PPP6R3: variants seen among roughly 807,000 people sequenced by gnomAD.
The protein encoded by PPP6R3 is protein phosphatase 6 regulatory subunit 3.
Under a neutral mutation model 110.7 loss-of-function variants are expected in PPP6R3, and 38 were observed. The observed-to-expected ratio is 0.34, with a 90% confidence interval of 0.26 to 0.45. The LOEUF (loss-of-function observed/expected upper bound fraction) is 0.45, where lower values mean the gene tolerates loss of function less well. PPP6R3 is among the 20% of genes least tolerant of loss of function. The probability of loss-of-function intolerance (pLI) is 1.00; values close to 1 mark genes in which losing one functional copy is unlikely to be tolerated. For synonymous variants in PPP6R3, 369 were observed against 373.5 expected (o/e 0.99, Z 0.14); for missense variants, 870 against 1,062.4 (o/e 0.82, Z 2.52).
At position 68,614,535 on chromosome 11, in the gene PPP6R3, A is replaced by G; in HGVS notation, c.*1418A>G. The G allele has an allele frequency of 3.4e-6, 5 of 1,451,472 alleles. No individual in the cohort carries two copies. In the South Asian group the frequency reaches 4.5e-5, roughly 13 times the overall value. 89.9% of individuals were successfully genotyped at this position (1,451,472 alleles called of 1,614,324 possible). A position where few individuals can be genotyped will look rare whatever the true frequency, so the allele number is the denominator to read the frequency against. ...GGCCAACAATTTTTTTAGAAGTAGCATCCCAAGCAGCGTGCCTAAACATTA... is the reference window on the plus strand; with the variant it reads ...GGCCAACAATTTTTTTAGAAGTAGCGTCCCAAGCAGCGTGCCTAAACATTA... On this transcript the variant is annotated 3_prime_UTR_variant, in exon 24 of 24. Coordinates refer to ENST00000393800, the MANE Select transcript of PPP6R3 (RefSeq NM_001164161.2).
At chr11:68,568,865 C>T (rs528277785) in intron 10 of PPP6R3, among the ~76,000 whole-genome samples, 1 of 151,768 alleles carries the variant, frequency 6.6e-6, no homozygotes, top group Admixed American at 6.6e-5. Flanking sequence ...CCTGGGTTCA[C>T]GCCATTCTCC....
intron 2 of PPP6R3, among the ~76,000 whole-genome samples, chr11:68,536,512 G>A (rs11228275): frequency 0.58 from 87,665 of 151,838 alleles, 27,689 homozygotes; most frequent in South Asian, 0.8. Context: ...TGATGCTCCC[G>A]CCTTGTGCCT....
chr11:68,611,199 G>A (rs1197073810), intron 23 of PPP6R3, among the ~76,000 whole-genome samples: 3 of 152,008 alleles, frequency 2.0e-5, no homozygotes, highest in Admixed American at 6.6e-5. Context: ...TTTTTTAATG[G>A]TCCTTTATAG....
At position 68,551,160 on chromosome 11, in the gene PPP6R3, A is replaced by G. The variant is rs753246355; in HGVS notation, c.592A>G (p.Ile198Val). The change falls in exon 6 of 24, where the codon ATA (isoleucine) becomes GTA (valine). Residue 198 changes from isoleucine to valine, a missense_variant. Coordinates refer to ENST00000393800, the MANE Select transcript of PPP6R3 (RefSeq NM_001164161.2). ...EEKIIQRLVE[I>V]VHPSQEEDRH... ...GAAAATTATCCAGAGGCTTGTGGAA[A>G]TAGTTCATCCATCGCAAGAAGAAGA... 2 of 1,611,676 alleles carry G rather than the reference A, an allele frequency of 1.2e-6. No homozygotes were observed. The highest frequency in any genetic ancestry group is 1.7e-6 in the Non-Finnish European group (2 of 1,178,386).
At chr11:68,578,558 C>T (rs567670770) in intron 14 of PPP6R3, among the ~76,000 whole-genome samples, 6 of 152,334 alleles carry the variant, frequency 3.9e-5, no homozygotes, top group African/African-American at 4.8e-5. Flanking sequence ...TTCAGCACCA[C>T]GTGCTTAAGT....
chr11:68,461,915 C>T (rs2098710712), intron 1 of PPP6R3, among the ~76,000 whole-genome samples: 1 of 152,188 alleles, frequency 6.6e-6, no homozygotes, highest in Admixed American at 6.5e-5. Context: ...AACTGTGCCT[C>T]AAGTAGCAAG....
chr11:68,546,659 A>G (rs1428373687), intron 4 of PPP6R3, among the ~76,000 whole-genome samples: 1 of 152,206 alleles, frequency 6.6e-6, no homozygotes, highest in African/African-American at 2.4e-5. Context: ...AAGGACAAAA[A>G]TTGAGACTCA....
intron 5 of PPP6R3, among the ~76,000 whole-genome samples, chr11:68,549,513 G>A (rs1322287313): frequency 6.6e-6 from 1 of 152,174 alleles, no homozygotes; most frequent in Non-Finnish European, 1.5e-5. Context: ...TATCTAGTGG[G>A]TGTCCTGGGA....
At chr11:68,569,346 G>T (rs1452196410) in intron 10 of PPP6R3, among the ~76,000 whole-genome samples, 1 of 152,060 alleles carries the variant, frequency 6.6e-6, no homozygotes, top group Non-Finnish European at 1.5e-5. Context: ...CACAGCTATC[G>T]AACCCTATAT....
chr11:68,612,589 A>C lies in PPP6R3; in HGVS notation c.2571-477A>C, dbSNP rs556040604. 2.7e-5 allele frequency among the ~76,000 whole-genome samples: 4 copies of C among 147,022 alleles called. No individual in the cohort carries two copies. The South Asian group carries it at 8.6e-4, about 32-fold the overall frequency. ...AGTGGACACCTTTTTTTTTTTTTCC[A>C]GTAGTTTATTTGCAAACCTCCTTTC... On this transcript the variant is annotated intron_variant, in intron 23 of 23. Coordinates refer to ENST00000393800, the MANE Select transcript of PPP6R3 (RefSeq NM_001164161.2).
At chr11:68,476,421 C>T (rs2153325895) in intron 1 of PPP6R3, among the ~76,000 whole-genome samples, 1 of 129,282 alleles carries the variant, frequency 7.7e-6, no homozygotes, top group African/African-American at 2.9e-5. Context: ...CAGTACAGTC[C>T]AGCTTCGGCT....
At chr11:68,484,816 A>T (rs943046529) in intron 1 of PPP6R3, among the ~76,000 whole-genome samples, 1 of 152,090 alleles carries the variant, frequency 6.6e-6, no homozygotes, top group Admixed American at 6.6e-5. Flanking sequence ...CAAACTCCTG[A>T]CCTCAGGTGG....
intron 2 of PPP6R3, among the ~76,000 whole-genome samples, chr11:68,523,938 C>T (rs555047512): frequency 2.0e-5 from 3 of 152,214 alleles, no homozygotes; most frequent in South Asian, 2.1e-4. Flanking sequence ...TGGGGTTCAA[C>T]CCACTAAGCA....
intron 12 of PPP6R3, 89 bp downstream of exon 12, chr11:68,571,193 A>G (rs1305485070): frequency 7.6e-6 from 11 of 1,455,060 alleles, no homozygotes; most frequent in African/African-American, 1.5e-5. Flanking sequence ...AAAAAAATGG[A>G]AATAATTACA....
chr11:68,588,697 G>A (rs976531247), intron 16 of PPP6R3, among the ~76,000 whole-genome samples: 5 of 150,574 alleles, frequency 3.3e-5, no homozygotes, highest in Non-Finnish European at 5.9e-5. Flanking sequence ...CGCCTGCCTC[G>A]GCTTCCCATA....
intron 2 of PPP6R3, among the ~76,000 whole-genome samples, chr11:68,534,359 C>G (rs2099258205): frequency 6.6e-6 from 1 of 152,028 alleles, no homozygotes; most frequent in Non-Finnish European, 1.5e-5. Context: ...TCATATATTC[C>G]TTTTTTTTCT....
intron 1 of PPP6R3, among the ~76,000 whole-genome samples, chr11:68,466,855 C>T (rs1235974693): frequency 9.2e-5 from 14 of 151,982 alleles, no homozygotes; most frequent in Non-Finnish European, 1.3e-4. Context: ...CCTTGTGATC[C>T]GCCCGCCTTG....
At chr11:68,568,487 T>TA (rs1338497388) in intron 10 of PPP6R3, among the ~76,000 whole-genome samples, 1 of 152,182 alleles carries the variant, frequency 6.6e-6, no homozygotes, top group Non-Finnish European at 1.5e-5. Flanking sequence ...ACTTCCAAAA[T>TA]ATGGCATTTT....
intron 19 of PPP6R3, among the ~76,000 whole-genome samples, chr11:68,597,031 G>A (rs1396696152): frequency 1.3e-5 from 2 of 152,218 alleles, no homozygotes; most frequent in African/African-American, 4.8e-5. Flanking sequence ...CTGTTTTCCA[G>A]CCCACCCTCA....
Sources: gnomAD v4.1 joint callset for allele counts (sites outside exome capture counted in the v4.1 genomes callset) on GRCh38, gnomAD v4.1.1 for gene constraint, MANE v1.5 for transcripts, NCBI Gene and HGNC (gene_info 2026-07-23, HGNC 2026-07-21) for gene names.